The following NUCKS1 variants were observed in gnomAD, a reference collection of about 807,000 sequenced individuals.
NUCKS1 encodes the protein nuclear casein kinase and cyclin dependent kinase substrate 1.
In NUCKS1, 2 loss-of-function variants were observed where a neutral mutation model predicts 33.0. The ratio of observed to expected loss-of-function variants is 0.06; its 90% CI spans 0.02 to 0.19. The LOEUF (loss-of-function observed/expected upper bound fraction) is 0.19. Among genes scored for constraint, NUCKS1 ranks in the 10% least tolerant of loss-of-function variants. NUCKS1 has a pLI of 1.00. For missense variants in NUCKS1, 201 were observed against 293.6 expected, an observed-to-expected ratio of 0.68 and a Z score of 2.31; for synonymous variants, 106 against 102.8, an observed-to-expected ratio of 1.03 and a Z score of -0.19.
intron 1 of NUCKS1, chr1:205,731,460 A>G (rs955813105): frequency 3.9e-5 from 6 of 152,202 alleles, no homozygotes; most frequent in African/African-American, 1.4e-4. Context: ...TCTAAATCTA[A>G]AAGTTTAATA....
chr1:205,739,997 G>GTTTTTTT lies in NUCKS1; in HGVS notation c.17+9953_17+9959dup, dbSNP rs60866378. Among the ~76,000 whole-genome samples the GTTTTTTT allele has an allele frequency of 5.4e-3, 440 of 81,758 alleles. 43 individuals are homozygous for GTTTTTTT. The highest frequency in any genetic ancestry group is 7.7e-3 in the Non-Finnish European group (351 of 45,734). 53.6% of individuals were successfully genotyped at this position (81,758 alleles called of 152,430 possible). A position where few individuals can be genotyped will look rare whatever the true frequency, so the allele number is the denominator to read the frequency against. ...TACATCATCCTGCTATTTACTTTAGGTTTTTTTTTTTTTTTTTTTTTGAGA... is the reference window on the plus strand; with the variant it reads ...TACATCATCCTGCTATTTACTTTAGGTTTTTTTTTTTTTTTTTTTTTTTTTTTTGAGA... On this transcript the variant is annotated intron_variant, in intron 1 of 6. Coordinates refer to ENST00000367142, the MANE Select transcript of NUCKS1 (RefSeq NM_022731.5).
At chr1:205,735,969 G>A (rs541352439) in intron 1 of NUCKS1, among the ~76,000 whole-genome samples, 2 of 151,682 alleles carry the variant, frequency 1.3e-5, no homozygotes, top group Non-Finnish European at 2.9e-5. Context: ...TTGGAGACAG[G>A]GTCTGCTCTG....
At chr1:205,738,803 G>A (rs994442821) in intron 1 of NUCKS1, among the ~76,000 whole-genome samples, 11 of 152,168 alleles carry the variant, frequency 7.2e-5, no homozygotes, top group African/African-American at 2.2e-4. Flanking sequence ...AGCCACTCCA[G>A]GGGCTGAGGT....
intron 4 of NUCKS1, among the ~76,000 whole-genome samples, chr1:205,722,220 C>G (rs1671931252): frequency 1.3e-5 from 2 of 152,028 alleles, no homozygotes; most frequent in African/African-American, 4.8e-5. Flanking sequence ...GGACTCCAGG[C>G]ACATGCAGCC....
At chr1:205,737,719 A>G (rs968456155) in intron 1 of NUCKS1, among the ~76,000 whole-genome samples, 3 of 152,264 alleles carry the variant, frequency 2.0e-5, no homozygotes, top group Non-Finnish European at 4.4e-5. Flanking sequence ...TTTTAGCAGT[A>G]AACACTTTTT....
intron 1 of NUCKS1, among the ~76,000 whole-genome samples, chr1:205,741,915 T>C (rs1406529753): frequency 6.6e-6 from 1 of 152,236 alleles, no homozygotes; most frequent in African/African-American, 2.4e-5. Context: ...CTGACAAAAG[T>C]GTGACGTTCA....
intron 4 of NUCKS1, among the ~76,000 whole-genome samples, chr1:205,722,031 A>G (rs1671926484): frequency 7.6e-6 from 1 of 131,724 alleles, no homozygotes; most frequent in Non-Finnish European, 1.8e-5. Flanking sequence ...GGAGAAGCCT[A>G]TAAAAAATTT....
chr1:205,741,463 T>C (rs1259298208), intron 1 of NUCKS1, among the ~76,000 whole-genome samples: 2 of 152,120 alleles, frequency 1.3e-5, no homozygotes, highest in Non-Finnish European at 2.9e-5. Context: ...AAACCTCTAA[T>C]GTGTGAGACT....
At position 205,720,494 on chromosome 1, in the gene NUCKS1, C is replaced by T. The variant is rs763656353; in HGVS notation, c.382+7G>A. The T allele has an allele frequency of 1.9e-6, 3 of 1,607,710 alleles. No individual in the cohort carries two copies. Among genetic ancestry groups the T allele is most frequent in the Non-Finnish European group, 1.7e-6 (2 of 1,178,290 alleles). The stretch of plus-strand genomic sequence containing the variant: ...ACAACCAAAGTACACAAAACAACTT[C>T]ACATACTCTCCTGGAATGGTGCCTC... On this transcript the variant is annotated splice_region_variant and intron_variant, in intron 5 of 6. Transcript: ENST00000367142.
chr1:205,740,298 C>A (rs1019320487), intron 1 of NUCKS1, among the ~76,000 whole-genome samples: 2 of 151,974 alleles, frequency 1.3e-5, no homozygotes, highest in African/African-American at 4.8e-5. Context: ...AACCACCACA[C>A]CTGGCCCATC....
chr1:205,724,803 A>G (rs1653690394), intron 3 of NUCKS1, among the ~76,000 whole-genome samples: 1 of 152,184 alleles, frequency 6.6e-6, no homozygotes, highest in Non-Finnish European at 1.5e-5. Flanking sequence ...ATTATCCCCT[A>G]TTAATATTTC....
At chr1:205,726,927 T>C (rs1342396880) in intron 3 of NUCKS1, among the ~76,000 whole-genome samples, 1 of 152,134 alleles carries the variant, frequency 6.6e-6, no homozygotes, top group Admixed American at 6.5e-5. Context: ...TGTGTATAAC[T>C]TTACTAACAA....
chr1:205,723,528 A>T (rs2102432696), intron 4 of NUCKS1, among the ~76,000 whole-genome samples: 1 of 152,240 alleles, frequency 6.6e-6, no homozygotes, highest in African/African-American at 2.4e-5. Context: ...CCCAGAGTCC[A>T]CCACTCCCCC....
chr1:205,732,343 GAC>G (rs1653936241), intron 1 of NUCKS1, among the ~76,000 whole-genome samples: 1 of 152,160 alleles, frequency 6.6e-6, no homozygotes, highest in African/African-American at 2.4e-5. Context: ...AATTCAGAGA[GAC>G]AGAAAGTAGA....
intron 3 of NUCKS1, 129 bp downstream of exon 3, chr1:205,727,571 G>A (rs945105306): frequency 7.3e-6 from 5 of 685,494 alleles, no homozygotes; most frequent in Non-Finnish European, 1.1e-5. Flanking sequence ...TATGAAATAT[G>A]CAAAATATTA....
intron 4 of NUCKS1, 140 bp downstream of exon 4, chr1:205,723,786 T>G: frequency 1.6e-6 from 1 of 607,500 alleles, no homozygotes; most frequent in Non-Finnish European, 2.9e-6. Flanking sequence ...CTGACAATCA[T>G]TAGGAGCTCT....
Position 205,730,485 on chromosome 1 carries a change from TTC to T in NUCKS1, c.18-866_18-865del, listed in dbSNP as rs575851287. On this transcript the variant is annotated intron_variant, in intron 1 of 6. Transcript: ENST00000367142. ...CAGTGATAATTCAAATACCATTCTT[TTC>T]TCTCTCTTTTTTTTTTTTTGAGATG... Among the ~76,000 whole-genome samples the T allele has an allele frequency of 3.9e-5, 6 of 152,074 alleles. No homozygotes were observed. In the South Asian group the frequency reaches 8.3e-4, roughly 21 times the overall value.
intron 2 of NUCKS1, among the ~76,000 whole-genome samples, chr1:205,728,040 A>G (rs930545681): frequency 6.6e-6 from 1 of 152,058 alleles, no homozygotes; most frequent in African/African-American, 2.4e-5. Flanking sequence ...ATCTTTCTAT[A>G]GCTAAACCTC....
intron 1 of NUCKS1, among the ~76,000 whole-genome samples, chr1:205,732,111 A>G (rs1653929298): frequency 6.6e-6 from 1 of 152,296 alleles, no homozygotes; most frequent in African/African-American, 2.4e-5. Flanking sequence ...TATGTAGAGG[A>G]ATATATAGTT....
Sources: gnomAD v4.1 joint callset for allele counts (sites outside exome capture counted in the v4.1 genomes callset) on GRCh38, gnomAD v4.1.1 for gene constraint, MANE v1.5 for transcripts, NCBI Gene and HGNC (gene_info 2026-07-23, HGNC 2026-07-21) for gene names.